Variants in LPIN1 observed in about 807,000 individuals in gnomAD.
LPIN1 encodes phosphatidate phosphatase LPIN1.
Under a neutral mutation model 107.5 loss-of-function variants are expected in LPIN1, and 71 were observed. That is an observed-to-expected ratio of 0.66 (90% CI 0.55 to 0.80). LPIN1 has a LOEUF of 0.80. LPIN1 is among the 30% of genes least tolerant of loss of function. The probability of loss-of-function intolerance (pLI) is 0.00; values close to 1 mark genes in which losing one functional copy is unlikely to be tolerated. For missense variants in LPIN1, 1,043 were observed against 1,160.6 expected (o/e 0.90, Z 1.47); for synonymous variants, 445 against 452.6 (o/e 0.98, Z 0.21).
At chr2:11,799,470 C>T (rs1277949438) in intron 14 of LPIN1, among the ~76,000 whole-genome samples, 1 of 151,564 alleles carries the variant, frequency 6.6e-6, no homozygotes, top group Non-Finnish European at 1.5e-5. Flanking sequence ...ATCTGCACCA[C>T]CCTCCCCTCC....
At chr2:11,692,983 T>G (rs1333837304) in intron 1 of LPIN1, among the ~76,000 whole-genome samples, 1 of 152,150 alleles carries the variant, frequency 6.6e-6, no homozygotes, top group Non-Finnish European at 1.5e-5. Context: ...ATATTATTTT[T>G]GGGTAGGGAC....
chr2:11,753,486 C>T (rs1668178906), intron 1 of LPIN1, among the ~76,000 whole-genome samples: 1 of 152,242 alleles, frequency 6.6e-6, no homozygotes, highest in Non-Finnish European at 1.5e-5. Context: ...CTGGCCAGGA[C>T]AGTTTAACCA....
chr2:11,723,888 T>A (rs1558754032), upstream of LPIN1: 1 of 152,230 alleles, frequency 6.6e-6, no homozygotes, highest in African/African-American at 2.4e-5. Flanking sequence ...TTATTCTTCA[T>A]TTTATCTCTC....
In LPIN1 at chr2:11,707,655, A is replaced by T. The variant is rs1409566862; in HGVS notation, c.82-6101A>T. Among the ~76,000 whole-genome samples, 1 of 151,952 alleles carries T rather than the reference A, an allele frequency of 6.6e-6. No homozygotes were observed. The highest frequency in any genetic ancestry group is 1.5e-5 in the Non-Finnish European group (1 of 67,986). ...TGGGTGGTGGTGCACGCACGGGGAG[A>T]AGTGCTCGGGGTCCCCCACTGGAGG... On this transcript the variant is annotated intron_variant, in intron 1 of 21. Coordinates refer to the LPIN1 transcript ENST00000449576. The surrounding 1 kb of genome is among the most constrained non-coding windows in gnomAD (Gnocchi z 4.2).
intron 2 of LPIN1, among the ~76,000 whole-genome samples, chr2:11,717,358 T>G (rs769102692): frequency 7.2e-5 from 11 of 152,154 alleles, no homozygotes; most frequent in Non-Finnish European, 1.3e-4. Context: ...ATATTTTAGT[T>G]TGTTCTATGT....
Position 11,782,372 on chromosome 2 carries a change from C to A in LPIN1, c.1129C>A (p.Gln377Lys). 6.2e-7 allele frequency: 1 copy of A among 1,614,224 alleles called. No individual in the cohort carries two copies. The highest frequency in any genetic ancestry group is 8.5e-7 in the Non-Finnish European group (1 of 1,180,044). Residue 377 changes from glutamine to lysine, a missense_variant, in exon 8 of 21, where the codon CAG (glutamine) becomes AAG (lysine). Gln to Lys is a moderately conservative substitution (Grantham distance 53). Coordinates refer to ENST00000674199, the MANE Select transcript of LPIN1 (RefSeq NM_001349206.2). ...CCAGAACAAGCCTCAGACAGAAATG[C>A]AGTTTGTGAATGAAGAAGACCTGGA... ...LDQNKPQTEM[Q>K]FVNEEDLETL...
At position 11,784,980 on chromosome 2, in the gene LPIN1, A is replaced by G; in HGVS notation, c.1453A>G (p.Ser485Gly). The G allele has an allele frequency of 6.2e-7, 1 of 1,613,816 alleles. No individual in the cohort carries two copies. Among genetic ancestry groups the G allele is most frequent in the Non-Finnish European group, 8.5e-7 (1 of 1,179,972 alleles). ...PQSVGSSGVD[S>G]GVESTSDGLR... ...GTCGGTGGGCAGCTCGGGCGTGGAC[A>G]GTGGCGTGGAGAGCACCTCGGACGG... The change falls in exon 10 of 21, where the codon AGT (serine) becomes GGT (glycine). Residue 485 changes from serine to glycine, a missense_variant. Ser to Gly is a moderately conservative substitution (Grantham distance 56, BLOSUM62 0). Transcript: ENST00000674199.
At chr2:11,720,897 TG>T (rs1295748461), upstream of LPIN1, among the ~76,000 whole-genome samples, 4 of 151,850 alleles carry the variant, frequency 2.6e-5, no homozygotes, top group South Asian at 8.3e-4. Flanking sequence ...TGAAGCAAGG[TG>T]CGAGAGAAGA....
At chr2:11,710,305 C>G (rs140534133) in intron 1 of LPIN1, among the ~76,000 whole-genome samples, 12 of 151,900 alleles carry the variant, frequency 7.9e-5, no homozygotes, top group African/African-American at 2.4e-4. Flanking sequence ...TAATCCATAG[C>G]GTCACATAAG....
At chr2:11,789,516 G>A (rs943284206) in intron 12 of LPIN1, among the ~76,000 whole-genome samples, 1 of 151,428 alleles carries the variant, frequency 6.6e-6, no homozygotes, top group African/African-American at 2.4e-5. Flanking sequence ...GTGCATGTAT[G>A]TGTGGATGTG....
At chr2:11,761,237 G>A (rs957507313) in intron 1 of LPIN1, among the ~76,000 whole-genome samples, 1 of 152,186 alleles carries the variant, frequency 6.6e-6, no homozygotes, top group African/African-American at 2.4e-5. Context: ...GAAGGAATAA[G>A]AAGTATTAGG....
intron 1 of LPIN1, chr2:11,762,971 G>A (rs1478907495): frequency 6.6e-6 from 1 of 152,252 alleles, no homozygotes. Context: ...GAGGGGTGAA[G>A]TCTCGGGGTG....
intron 1 of LPIN1, among the ~76,000 whole-genome samples, chr2:11,686,969 T>C (rs186024131): frequency 6.7e-6 from 1 of 150,328 alleles, no homozygotes; most frequent in East Asian, 2.0e-4. Flanking sequence ...TTCTGAATCC[T>C]GCTCCATGTC....
upstream of LPIN1, chr2:11,724,324 G>A (rs567071486): frequency 8.1e-6 from 8 of 985,654 alleles, no homozygotes; most frequent in East Asian, 9.1e-4. Context: ...CCTTTCCCAG[G>A]AGAGCCCATG....
intron 2 of LPIN1, among the ~76,000 whole-genome samples, chr2:11,717,731 C>A (rs1484148468): frequency 2.6e-5 from 4 of 150,952 alleles, no homozygotes; most frequent in Admixed American, 6.6e-5. Context: ...GAAATAATAA[C>A]TCATTTATTC....
At chr2:11,737,360 C>T (rs1010509311) in intron 1 of LPIN1, among the ~76,000 whole-genome samples, 4 of 152,142 alleles carry the variant, frequency 2.6e-5, no homozygotes, top group African/African-American at 9.7e-5. Flanking sequence ...AAAGCAATGG[C>T]AACAAAAGCC....
intron 1 of LPIN1, among the ~76,000 whole-genome samples, chr2:11,692,010 T>C (rs954022539): frequency 2.5e-4 from 38 of 152,250 alleles, no homozygotes; most frequent in Admixed American, 3.9e-4. Context: ...GAAAGCCTTT[T>C]CCTTAGCAGA....
intron 17 of LPIN1, among the ~76,000 whole-genome samples, chr2:11,806,980 G>A (rs1308783475): frequency 6.6e-6 from 1 of 152,114 alleles, no homozygotes; most frequent in African/African-American, 2.4e-5. Context: ...CTGTCGTCTA[G>A]ATACACCATA....
intron 1 of LPIN1, among the ~76,000 whole-genome samples, chr2:11,702,277 T>C (rs1292006025): frequency 6.6e-6 from 1 of 152,146 alleles, no homozygotes; most frequent in Non-Finnish European, 1.5e-5. Context: ...GGCTGGCTAG[T>C]GTGAATAATT....
Sources: gnomAD v4.1 joint callset for allele counts (sites outside exome capture counted in the v4.1 genomes callset) on GRCh38, gnomAD v4.1.1 for gene constraint, Gnocchi (gnomAD v3.1) non-coding constraint, MANE v1.5 for transcripts, NCBI Gene and HGNC (gene_info 2026-07-23, HGNC 2026-07-21) for gene names.